TMEM163: variants seen among roughly 807,000 people sequenced by gnomAD.
TMEM163 encodes transmembrane protein 163.
Under a neutral mutation model 29.3 loss-of-function variants are expected in TMEM163, and 17 were observed. The ratio of observed to expected loss-of-function variants is 0.58; its 90% CI spans 0.40 to 0.87. The LOEUF is 0.87. Ranked by LOEUF, TMEM163 falls within the 40% of genes least tolerant of loss-of-function variation. The pLI is 0.00. For missense variants in TMEM163, 303 were observed against 381.5 expected, an observed-to-expected ratio of 0.79 and a Z score of 1.71; for synonymous variants, 157 against 160.6, an observed-to-expected ratio of 0.98 and a Z score of 0.17.
At chr2:134,565,623 A>T (rs1391785324) in intron 2 of TMEM163, among the ~76,000 whole-genome samples, 1 of 151,990 alleles carries the variant, frequency 6.6e-6, no homozygotes, top group Non-Finnish European at 1.5e-5. Flanking sequence ...AAAAAAAAAA[A>T]CCATACATAC....
chr2:134,479,394 G>T (rs1037856276), intron 5 of TMEM163, among the ~76,000 whole-genome samples: 21 of 152,174 alleles, frequency 1.4e-4, no homozygotes, highest in African/African-American at 5.1e-4. Flanking sequence ...TTGCCCCAAA[G>T]TGTGAAAAAC....
chr2:134,682,732 GC>G (rs1290760567), intron 2 of TMEM163, among the ~76,000 whole-genome samples: 2 of 152,122 alleles, frequency 1.3e-5, no homozygotes, highest in East Asian at 1.9e-4. Flanking sequence ...GGACAGTTTG[GC>G]AGTTTCTCAC....
At chr2:134,663,152 G>A (rs1398432675) in intron 2 of TMEM163, among the ~76,000 whole-genome samples, 2 of 152,214 alleles carry the variant, frequency 1.3e-5, no homozygotes, top group African/African-American at 2.4e-5. Flanking sequence ...GAATTAAACA[G>A]AACTGCAAAA....
chr2:134,543,514 A>G (rs867132418), intron 4 of TMEM163, among the ~76,000 whole-genome samples: 7 of 152,238 alleles, frequency 4.6e-5, no homozygotes, highest in Middle Eastern at 3.2e-3. Context: ...CCCTACGGGA[A>G]GAAGCGGGGA....
chr2:134,533,238 G>A (rs1222286605), intron 4 of TMEM163, among the ~76,000 whole-genome samples: 1 of 152,172 alleles, frequency 6.6e-6, no homozygotes, highest in African/African-American at 2.4e-5. Context: ...TAAAAAGAAT[G>A]GGTTACATAT....
chr2:134,659,379 G>A (rs1356096686), intron 2 of TMEM163, among the ~76,000 whole-genome samples: 1 of 152,192 alleles, frequency 6.6e-6, no homozygotes, highest in African/African-American at 2.4e-5. Context: ...AAGACTCAGG[G>A]TTTCCTGCTT....
intron 4 of TMEM163, among the ~76,000 whole-genome samples, chr2:134,507,311 G>A (rs1379025249): frequency 2.0e-5 from 3 of 151,764 alleles, no homozygotes; most frequent in African/African-American, 7.3e-5. Context: ...ACTCCAGCCT[G>A]GGCAACAAGA....
At chr2:134,599,730 G>A (rs1466643805) in intron 2 of TMEM163, among the ~76,000 whole-genome samples, 1 of 136,670 alleles carries the variant, frequency 7.3e-6, no homozygotes, top group East Asian at 2.1e-4. Flanking sequence ...ACAGGATTTC[G>A]CCATGTTGCC....
chr2:134,618,096 A>T (rs2104822989), intron 2 of TMEM163, among the ~76,000 whole-genome samples: 1 of 152,304 alleles, frequency 6.6e-6, no homozygotes, highest in South Asian at 2.1e-4. Flanking sequence ...CCTGGGTAAC[A>T]GAGTGAGACC....
intron 2 of TMEM163, among the ~76,000 whole-genome samples, chr2:134,621,047 C>T (rs1357851340): frequency 1.3e-5 from 2 of 151,906 alleles, no homozygotes; most frequent in African/African-American, 2.4e-5. Flanking sequence ...AGACAAGCTA[C>T]TTACTGTGAA....
rs80289568 is a variant in TMEM163, at chr2:134,474,925, T to C, written c.556-8700A>G. Among the ~76,000 whole-genome samples the C allele has an allele frequency of 7.2e-3, 1,092 of 152,244 alleles. 9 individuals are homozygous for C. The highest frequency in any genetic ancestry group is 0.025 in the African/African-American group (1,029 of 41,564). On this transcript the variant is annotated intron_variant, in intron 5 of 7. Coordinates refer to ENST00000281924, the MANE Select transcript of TMEM163 (RefSeq NM_030923.5). ...TTAGTTCTCCCCAAACCGATCTGGATGCAAAAGCCACCCTAAGCCAAATCC... is the reference window on the plus strand; with the variant it reads ...TTAGTTCTCCCCAAACCGATCTGGACGCAAAAGCCACCCTAAGCCAAATCC...
chr2:134,461,902 A>G (rs761158591), intron 6 of TMEM163, among the ~76,000 whole-genome samples: 17 of 152,196 alleles, frequency 1.1e-4, no homozygotes, highest in African/African-American at 3.1e-4. Context: ...CATGACAGCC[A>G]TGGCTCCCTG....
intron 2 of TMEM163, among the ~76,000 whole-genome samples, chr2:134,652,929 G>T (rs1683513891): frequency 1.3e-5 from 1 of 78,066 alleles, no homozygotes; most frequent in East Asian, 2.6e-4. Flanking sequence ...TTTTTGATGT[G>T]CTGCTGGATT....
At chr2:134,675,364 C>T (rs1014611625) in intron 2 of TMEM163, among the ~76,000 whole-genome samples, 2 of 152,148 alleles carry the variant, frequency 1.3e-5, no homozygotes, top group African/African-American at 4.8e-5. Context: ...GAATTTATAT[C>T]TGGGTTTAAA....
intron 2 of TMEM163, among the ~76,000 whole-genome samples, chr2:134,660,025 G>C (rs1683713289): frequency 6.6e-6 from 1 of 152,146 alleles, no homozygotes; most frequent in African/African-American, 2.4e-5. Context: ...AGGGTGATTT[G>C]ACCTGAATGA....
chr2:134,649,780 G>A (rs1309468587), intron 2 of TMEM163, among the ~76,000 whole-genome samples: 2 of 152,044 alleles, frequency 1.3e-5, no homozygotes, highest in African/African-American at 2.4e-5. Context: ...TTGGGAGGCT[G>A]AAGCGGGTGT....
At chr2:134,674,496 CGCGCG>C (rs1481205042) in intron 2 of TMEM163, among the ~76,000 whole-genome samples, 1 of 147,816 alleles carries the variant, frequency 6.8e-6, no homozygotes, top group East Asian at 2.0e-4. Flanking sequence ...GGCGCGCGCG[CGCGCG>C]CGCGCGCGCT....
At chr2:134,595,040 T>C (rs1009316381) in intron 2 of TMEM163, among the ~76,000 whole-genome samples, 4 of 152,108 alleles carry the variant, frequency 2.6e-5, no homozygotes, top group Admixed American at 6.5e-5. Flanking sequence ...CTGAATGAGA[T>C]TATGTGCAAG....
intron 2 of TMEM163, among the ~76,000 whole-genome samples, chr2:134,572,220 A>G (rs1681446604): frequency 6.6e-6 from 1 of 152,184 alleles, no homozygotes; most frequent in Non-Finnish European, 1.5e-5. Flanking sequence ...GATTGCAGAG[A>G]GAAGATGTCG....
Sources: allele counts gnomAD v4.1 joint callset (sites outside exome capture counted in the v4.1 genomes callset), GRCh38; gene constraint gnomAD v4.1.1; transcripts MANE v1.5; gene names NCBI Gene and HGNC (gene_info 2026-07-23, HGNC 2026-07-21).